The following SEMA3A variants were observed in gnomAD, a reference collection of about 807,000 sequenced individuals.
SEMA3A encodes semaphorin-3A.
A neutral mutation model predicts 97.9 loss-of-function variants in SEMA3A; 29 were observed. The ratio of observed to expected loss-of-function variants is 0.30; its 90% CI spans 0.22 to 0.40. The LOEUF (loss-of-function observed/expected upper bound fraction) is 0.40, where lower values mean the gene tolerates loss of function less well. Ranked by LOEUF, SEMA3A falls within the 10% of genes least tolerant of loss-of-function variation. SEMA3A has a pLI of 1.00. For missense variants in SEMA3A, 763 were observed against 951.3 expected, an observed-to-expected ratio of 0.80 and a Z score of 2.60; for synonymous variants, 321 against 323.7, an observed-to-expected ratio of 0.99 and a Z score of 0.09.
At chr7:84,004,359 G>A (rs1026825745) in intron 11 of SEMA3A, among the ~76,000 whole-genome samples, 9 of 152,064 alleles carry the variant, frequency 5.9e-5, no homozygotes, top group Non-Finnish European at 1.2e-4. Flanking sequence ...TAGTAAAAGT[G>A]AATTGTTAAA....
chr7:84,281,768 T>C lies in SEMA3A; in HGVS notation c.-83+25439A>G, dbSNP rs1520108. 0.013 allele frequency among the ~76,000 whole-genome samples: 1,947 copies of C among 152,262 alleles called. 64 individuals are homozygous for C. The East Asian group carries it at 0.15, about 11-fold the overall frequency. ...GTTTTACTTAGCTTTCTTATCTCAATGTCTACAGCTATAAAATGGGGGAAA... is the reference window on the plus strand; with the variant it reads ...GTTTTACTTAGCTTTCTTATCTCAACGTCTACAGCTATAAAATGGGGGAAA... On this transcript the variant is annotated intron_variant, in intron 3 of 3. Coordinates refer to the SEMA3A transcript ENST00000424555.
intron 3 of SEMA3A, among the ~76,000 whole-genome samples, chr7:84,203,478 T>A (rs1268340027): frequency 7.0e-6 from 1 of 143,358 alleles, no homozygotes; most frequent in Admixed American, 7.0e-5. Context: ...AACAGTTTTG[T>A]AGAAAGTATT....
At chr7:84,050,753 C>A (rs1792592493) in intron 5 of SEMA3A, among the ~76,000 whole-genome samples, 1 of 152,126 alleles carries the variant, frequency 6.6e-6, no homozygotes, top group Admixed American at 6.5e-5. Context: ...GTTGCCATGG[C>A]TTTTGGTGTT....
intron 3 of SEMA3A, among the ~76,000 whole-genome samples, chr7:84,127,315 C>T (rs1795829420): frequency 6.6e-6 from 1 of 152,036 alleles, no homozygotes; most frequent in African/African-American, 2.4e-5. Flanking sequence ...TGGCTGCCTT[C>T]AGTAATAATC....
chr7:84,058,227 C>T (rs1386328751), intron 5 of SEMA3A, among the ~76,000 whole-genome samples: 2 of 152,096 alleles, frequency 1.3e-5, no homozygotes, highest in South Asian at 2.1e-4. Context: ...CTTATTTGTA[C>T]CAATGAGGAA....
At chr7:84,351,049 G>GCAGATGTACACATGCATA (rs1266271833) in intron 2 of SEMA3A, among the ~76,000 whole-genome samples, 8 of 147,810 alleles carry the variant, frequency 5.4e-5, no homozygotes, top group Non-Finnish European at 8.9e-5. Context: ...ACACATGCAT[G>GCAGATGTACACATGCATA]CAGATGTACA....
intron 1 of SEMA3A, among the ~76,000 whole-genome samples, chr7:84,375,658 A>G (rs548723911): frequency 6.6e-6 from 1 of 152,310 alleles, no homozygotes; most frequent in South Asian, 2.1e-4. Flanking sequence ...TAGTATATTC[A>G]TCACCTCAAA....
At chr7:84,465,517 A>C (rs976938779) in intron 1 of SEMA3A, among the ~76,000 whole-genome samples, 9 of 152,172 alleles carry the variant, frequency 5.9e-5, no homozygotes, top group Admixed American at 3.9e-4. Context: ...TACATAAAGA[A>C]AATTTCCATT....
chr7:84,142,479 T>G (rs1796322981), intron 1 of SEMA3A, among the ~76,000 whole-genome samples: 1 of 152,180 alleles, frequency 6.6e-6, no homozygotes, highest in Non-Finnish European at 1.5e-5. Context: ...GCTAGTATGA[T>G]GTAGAGTTAA....
At chr7:84,277,550 G>T (rs888138039) in intron 3 of SEMA3A, among the ~76,000 whole-genome samples, 2 of 152,080 alleles carry the variant, frequency 1.3e-5, no homozygotes, top group African/African-American at 4.8e-5. Flanking sequence ...AGATAGTAAT[G>T]AAATACTCAA....
chr7:84,108,757 T>C (rs1562787665), intron 4 of SEMA3A, among the ~76,000 whole-genome samples: 2 of 151,854 alleles, frequency 1.3e-5, no homozygotes, highest in South Asian at 2.1e-4. Context: ...TACAAAAAAT[T>C]AGCCGGACAT....
At chr7:84,491,292 T>G (rs1013022789) in intron 1 of SEMA3A, among the ~76,000 whole-genome samples, 1 of 152,190 alleles carries the variant, frequency 6.6e-6, no homozygotes, top group African/African-American at 2.4e-5. Context: ...CATTGCCTTT[T>G]GAGATGACAA....
chr7:84,145,980 CT>C (rs1207135929), intron 1 of SEMA3A, among the ~76,000 whole-genome samples: 1 of 152,112 alleles, frequency 6.6e-6, no homozygotes, highest in Non-Finnish European at 1.5e-5. Flanking sequence ...TTACTCTTTT[CT>C]AAACCCGGCT....
chr7:84,463,405 C>T (rs1214933039), intron 1 of SEMA3A, among the ~76,000 whole-genome samples: 1 of 151,768 alleles, frequency 6.6e-6, no homozygotes. Context: ...CCTGCCACCA[C>T]GCCCGGCTAA....
chr7:84,030,994 T>G (rs963132560), intron 6 of SEMA3A, among the ~76,000 whole-genome samples: 1 of 141,232 alleles, frequency 7.1e-6, no homozygotes, highest in Non-Finnish European at 1.5e-5. Flanking sequence ...CAAGTTTTTT[T>G]TTTTTTTTTT....
At chr7:84,340,742 T>C (rs935954277) in intron 2 of SEMA3A, among the ~76,000 whole-genome samples, 54 of 146,030 alleles carry the variant, frequency 3.7e-4, no homozygotes, top group African/African-American at 1.3e-3. Context: ...ATCACACCAT[T>C]GCACTCCAGC....
rs1225013345 is a variant in SEMA3A, at chr7:84,447,208, G to A, written c.-246+45252C>T. ...CTTTGAGTGCTGACGAGTATGGGAGGCGCGACCAATGGGAGGCTGAGGGCA... is the reference window on the plus strand; with the variant it reads ...CTTTGAGTGCTGACGAGTATGGGAGACGCGACCAATGGGAGGCTGAGGGCA... On this transcript the variant is annotated intron_variant, in intron 1 of 3. Transcript: ENST00000424555. 2.0e-5 allele frequency among the ~76,000 whole-genome samples: 3 copies of A among 152,320 alleles called. No homozygotes were observed. In the East Asian group the frequency reaches 5.8e-4, roughly 29 times the overall value.
intron 2 of SEMA3A, among the ~76,000 whole-genome samples, chr7:84,350,020 C>A (rs1316176163): frequency 1.3e-5 from 2 of 152,040 alleles, no homozygotes; most frequent in Non-Finnish European, 1.5e-5. Flanking sequence ...CCCAAATCCC[C>A]CCAAATTGGC....
intron 1 of SEMA3A, among the ~76,000 whole-genome samples, chr7:84,453,283 T>G (rs568644649): frequency 1.1e-3 from 166 of 150,728 alleles, no homozygotes; most frequent in Non-Finnish European, 1.4e-3. Flanking sequence ...TCGCCCAGGC[T>G]GGAGTGCAGT....
Sources: allele counts gnomAD v4.1 joint callset (sites outside exome capture counted in the v4.1 genomes callset), GRCh38; gene constraint gnomAD v4.1.1; transcripts MANE v1.5; gene names NCBI Gene and HGNC (gene_info 2026-07-23, HGNC 2026-07-21).